Variants in GRSF1 observed in about 807,000 individuals in gnomAD.
GRSF1 encodes G-rich sequence factor 1.
Under a neutral mutation model 51.1 loss-of-function variants are expected in GRSF1, and 50 were observed. The ratio of observed to expected loss-of-function variants is 0.98; its 90% CI spans 0.78 to 1.24. The LOEUF is 1.24. GRSF1 is among the 50% of genes most tolerant of loss of function. The pLI, the probability that GRSF1 is intolerant of heterozygous loss-of-function variation, is 0.00. For synonymous variants in GRSF1, 293 were observed against 253.3 expected (o/e 1.16, Z -1.49); for missense variants, 700 against 639.7 (o/e 1.09, Z -1.02).
At chr4:70,830,272 G>A (rs776969209) in intron 5 of GRSF1, among the ~76,000 whole-genome samples, 42 of 151,922 alleles carry the variant, frequency 2.8e-4, no homozygotes, top group African/African-American at 9.2e-4. Context: ...AAACACACAC[G>A]CACGCACGCA....
At chr4:70,821,426 A>AAAT (rs138753843) in intron 9 of GRSF1, among the ~76,000 whole-genome samples, 1 of 150,002 alleles carries the variant, frequency 6.7e-6, no homozygotes, top group Non-Finnish European at 1.5e-5. Flanking sequence ...TCCGTCTCAA[A>AAAT]AAATAAATAA....
rs565958529 is a variant in GRSF1 at position 70,828,144 on chromosome 4, C to T, written c.951-108G>A. The T allele has an allele frequency of 2.0e-5, 16 of 781,782 alleles. No homozygotes were observed. The African/African-American group carries it at 2.6e-4, about 13-fold the overall frequency. The allele number at this position is 781,782 out of a possible 1,614,324, so 48.4% of individuals were successfully genotyped here. ...TATATTTCCAACAGCTTATGAAACA[C>T]AGGTGTCAAAAGATAACAGGTAGGG... is the stretch of plus-strand genomic sequence containing the variant. On this transcript the variant is annotated intron_variant, in intron 5 of 9. Coordinates refer to ENST00000254799, the MANE Select transcript of GRSF1 (RefSeq NM_002092.4).
chr4:70,836,585 G>GT (rs1296569174), intron 1 of GRSF1, among the ~76,000 whole-genome samples: 2 of 152,116 alleles, frequency 1.3e-5, no homozygotes, highest in Non-Finnish European at 2.9e-5. Flanking sequence ...GCTAACAATA[G>GT]TGTAGTTAAG....
At chr4:70,822,447 G>A (rs1299921307) in intron 9 of GRSF1, among the ~76,000 whole-genome samples, 1 of 151,948 alleles carries the variant, frequency 6.6e-6, no homozygotes, top group Non-Finnish European at 1.5e-5. Flanking sequence ...GCTGGATGTG[G>A]TAGAGAATGC....
At chr4:70,826,642 C>T (rs1175825242) in intron 6 of GRSF1, among the ~76,000 whole-genome samples, 1 of 151,368 alleles carries the variant, frequency 6.6e-6, no homozygotes, top group African/African-American at 2.4e-5. Flanking sequence ...GAGTTCGAGA[C>T]CAGCCTGGGC....
Position 70,833,249 on chromosome 4 carries a change from T to C in GRSF1, c.539A>G (p.Asn180Ser), listed in dbSNP as rs1734059699. 1.2e-6 allele frequency: 2 copies of C among 1,613,944 alleles called. No individual in the cohort carries two copies. Among genetic ancestry groups the C allele is most frequent in the Non-Finnish European group, 1.7e-6 (2 of 1,179,840 alleles). ...FSDCRIRNGE[N>S]GIHFLLNRDG... Reference sequence around the variant, plus strand: ...TCTGTTTAGGAGAAAATGTATTCCATTCTCACCGTTGCGGATTCTGCAGTC... The same window carrying C: ...TCTGTTTAGGAGAAAATGTATTCCACTCTCACCGTTGCGGATTCTGCAGTC... The change falls in exon 3 of 10, where the codon AAT becomes AGT. Residue 180 changes from asparagine to serine, a missense_variant. Coordinates refer to ENST00000254799, the MANE Select transcript of GRSF1 (RefSeq NM_002092.4).
chr4:70,817,340 G>C lies in GRSF1; in HGVS notation c.*3547C>G, dbSNP rs1274291336. 3 of 152,122 alleles carry C rather than the reference G, an allele frequency of 2.0e-5. No homozygotes were observed. The highest frequency in any genetic ancestry group is 4.4e-5 in the Non-Finnish European group (3 of 68,096). 9.4% of individuals were successfully genotyped at this position (152,122 alleles called of 1,614,324 possible). On this transcript the variant is annotated 3_prime_UTR_variant, in exon 10 of 10. Coordinates refer to ENST00000254799, the MANE Select transcript of GRSF1 (RefSeq NM_002092.4). ...TCCTCCCACTTCAGCCTCACAAAGT[G>C]CGGGGATTACAGATGTCAGCCACCA...
intron 1 of GRSF1, among the ~76,000 whole-genome samples, chr4:70,837,792 C>T (rs11726240): frequency 0.87 from 130,476 of 150,108 alleles, 58,532 homozygotes; most frequent in East Asian, 1. Flanking sequence ...CCCGCCACCC[C>T]GCCCGGCTAA....
At chr4:70,828,688 C>G (rs1208542877) in intron 5 of GRSF1, among the ~76,000 whole-genome samples, 1 of 151,978 alleles carries the variant, frequency 6.6e-6, no homozygotes, top group Non-Finnish European at 1.5e-5. Context: ...CCTGCCTCAG[C>G]CTCCTGAGTA....
chr4:70,839,847 G>A lies in GRSF1; in HGVS notation c.-20C>T, dbSNP rs1486270721. The A allele has an allele frequency of 2.0e-6, 3 of 1,473,206 alleles. No homozygotes were observed. The highest frequency in any genetic ancestry group is 1.3e-5 in the South Asian group (1 of 77,224). The allele number at this position is 1,473,206 out of a possible 1,614,324, so 91.3% of individuals were successfully genotyped here. ...GGCCATGGACTCCGGAGGCGGCGCA[G>A]GGCCTGAAGGCAGCTGCTCCAGCAG... On this transcript the variant is annotated 5_prime_UTR_variant, in exon 1 of 10. Transcript: ENST00000254799.
In GRSF1 at chr4:70,817,657, T is replaced by C. The variant is rs1733363224; in HGVS notation, c.*3230A>G. Reference sequence around the variant, plus strand: ...GGGTGAGGAGCTACAGGAACTCTTATTCATTGTCAATGGGAATTCAAAATA... The same window carrying C: ...GGGTGAGGAGCTACAGGAACTCTTACTCATTGTCAATGGGAATTCAAAATA... On this transcript the variant is annotated 3_prime_UTR_variant, in exon 10 of 10. Transcript: ENST00000254799. 1 of 152,128 alleles carries C rather than the reference T, an allele frequency of 6.6e-6. No homozygotes were observed. The highest frequency in any genetic ancestry group is 2.4e-5 in the African/African-American group (1 of 41,430). 9.4% of individuals were successfully genotyped at this position (152,128 alleles called of 1,614,324 possible). A position where few individuals can be genotyped will look rare whatever the true frequency, so the allele number is the denominator to read the frequency against.
chr4:70,825,206 GA>G, intron 8 of GRSF1, 89 bp downstream of exon 8: 1 of 1,058,372 alleles, frequency 9.4e-7, no homozygotes, highest in Non-Finnish European at 1.3e-6. Flanking sequence ...ATTTCTCAAG[GA>G]AAAATTCTAC....
intron 9 of GRSF1, among the ~76,000 whole-genome samples, chr4:70,823,421 AAT>A (rs1317781712): frequency 2.6e-5 from 4 of 151,604 alleles, no homozygotes; most frequent in African/African-American, 9.7e-5. Flanking sequence ...AAATAAATAA[AAT>A]AAAATTTAAA....
At chr4:70,836,360 T>TA (rs764831514) in intron 1 of GRSF1, 46 bp from the exon 2 acceptor site, 5 of 1,283,462 alleles carry the variant, frequency 3.9e-6, no homozygotes, top group Non-Finnish European at 3.2e-6. Flanking sequence ...CATTTACAGG[T>TA]AAAAAATGTA....
chr4:70,826,952 G>A (rs536127323), intron 6 of GRSF1, among the ~76,000 whole-genome samples: 2 of 152,252 alleles, frequency 1.3e-5, no homozygotes, highest in South Asian at 2.1e-4. Flanking sequence ...TGTTGCCCTG[G>A]GTTAGGAATC....
At chr4:70,820,909 GAT>G (rs1415338618) in intron 9 of GRSF1, 48 bp from the exon 10 acceptor site, 1 of 152,446 alleles carries the variant, frequency 6.6e-6, no homozygotes, top group Non-Finnish European at 1.5e-5. Flanking sequence ...GATGAAAAAG[GAT>G]GGCACACATT....
At chr4:70,830,467 C>G (rs1224527691) in intron 5 of GRSF1, among the ~76,000 whole-genome samples, 1 of 149,534 alleles carries the variant, frequency 6.7e-6, no homozygotes, top group Non-Finnish European at 1.5e-5. Flanking sequence ...AAAAAACACA[C>G]ACACACACAG....
intron 9 of GRSF1, among the ~76,000 whole-genome samples, chr4:70,823,258 G>A (rs1307068705): frequency 2.6e-5 from 4 of 151,850 alleles, no homozygotes; most frequent in South Asian, 2.1e-4. Flanking sequence ...TTAGCTGGGC[G>A]TGGTGGTGCA....
At position 70,839,552 on chromosome 4, in the gene GRSF1, C is replaced by T. The variant is rs1316559011; in HGVS notation, c.276G>A (p.Ala92=). 5 of 1,424,178 alleles carry T rather than the reference C, an allele frequency of 3.5e-6. No homozygotes were observed. The highest frequency in any genetic ancestry group is 4.6e-6 in the Non-Finnish European group (5 of 1,091,660). The allele number at this position is 1,424,178 out of a possible 1,614,324, so 88.2% of individuals were successfully genotyped here. A position where few individuals can be genotyped will look rare whatever the true frequency, so the allele number is the denominator to read the frequency against. Residue 92 remains alanine (A), a synonymous_variant, in exon 1 of 10, where the codon GCG becomes GCA. Coordinates refer to ENST00000254799, the MANE Select transcript of GRSF1 (RefSeq NM_002092.4). ...VATSAAAAAA[A]SYSALRASLL... Reference sequence around the variant, plus strand: ...GAGAGGCACGGAGGGCAGAGTAGGACGCGGCGGCCGCGGCCGCGGCAGAGG... The same window carrying T: ...GAGAGGCACGGAGGGCAGAGTAGGATGCGGCGGCCGCGGCCGCGGCAGAGG...
Sources: allele counts gnomAD v4.1 joint callset (sites outside exome capture counted in the v4.1 genomes callset), GRCh38; gene constraint gnomAD v4.1.1; transcripts MANE v1.5; gene names NCBI Gene and HGNC (gene_info 2026-07-23, HGNC 2026-07-21).